PLEKHA1: variants seen among roughly 807,000 people sequenced by gnomAD.
PLEKHA1 encodes pleckstrin homology domain-containing family A member 1.
In PLEKHA1, 34 loss-of-function variants were observed where a neutral mutation model predicts 52.0. That is an observed-to-expected ratio of 0.65 (90% CI 0.50 to 0.87). The LOEUF (loss-of-function observed/expected upper bound fraction) is 0.87, where lower values mean the gene tolerates loss of function less well. PLEKHA1 is among the 40% of genes least tolerant of loss of function. The probability of loss-of-function intolerance (pLI) is 0.00; values close to 1 mark genes in which losing one functional copy is unlikely to be tolerated. For synonymous variants in PLEKHA1, 163 were observed against 170.7 expected (o/e 0.95, Z 0.35); for missense variants, 497 against 504.2 (o/e 0.99, Z 0.14).
chr10:122,435,552 AAACT>A (rs1442660087), downstream of PLEKHA1: 2 of 152,240 alleles, frequency 1.3e-5, no homozygotes, highest in African/African-American at 4.8e-5. Context: ...TATAAAATTC[AAACT>A]AACATTTACA....
chr10:122,422,800 A>G (rs2097278173), intron 8 of PLEKHA1: 1 of 152,194 alleles, frequency 6.6e-6, no homozygotes, highest in Non-Finnish European at 1.5e-5. Flanking sequence ...AGTTTTCATA[A>G]TTGCACTGTG....
chr10:122,396,822 A>G (rs1341662038), intron 2 of PLEKHA1, among the ~76,000 whole-genome samples: 1 of 152,054 alleles, frequency 6.6e-6, no homozygotes, highest in East Asian at 1.9e-4. Context: ...AATGAAATTT[A>G]TATTCTTGAT....
chr10:122,433,486 T>G (rs188249495), downstream of PLEKHA1: 1 of 152,200 alleles, frequency 6.6e-6, no homozygotes. Flanking sequence ...TAATAACCTA[T>G]GGCATTCCGC....
At chr10:122,435,404 A>G (rs893467111), downstream of PLEKHA1, 4 of 152,312 alleles carry the variant, frequency 2.6e-5, no homozygotes, top group African/African-American at 9.6e-5. Flanking sequence ...TTACTGTGGT[A>G]TATTCATGTG....
rs1414544386 is a variant in PLEKHA1 at position 122,412,959 on chromosome 10, C to G, written c.382C>G (p.Leu128Val). ...QSDSQPNSDN[L>V]SRHGECGKKQ... is the part of the protein sequence containing the mutation. ...AGACTCACAGCCTAATTCTGATAAC[C>G]TAAGTCGCCATGGTGAATGTGGGAA... Residue 128 changes from leucine (L) to valine (V), a missense_variant, in exon 6 of 12, where the codon CTA (leucine) becomes GTA (valine). Leu to Val is a conservative substitution (Grantham distance 32). Transcript: ENST00000368990. 1 of 1,613,534 alleles carries G rather than the reference C, an allele frequency of 6.2e-7. No homozygotes were observed. Among genetic ancestry groups the G allele is most frequent in the South Asian group, 1.1e-5 (1 of 91,052 alleles).
chr10:122,417,871 AGTCTTAT>A, intron 7 of PLEKHA1, 22 bp from the exon 8 acceptor site: 1 of 1,547,466 alleles, frequency 6.5e-7, no homozygotes, highest in Non-Finnish European at 8.9e-7. Flanking sequence ...TAGAAACACA[AGTCTTAT>A]GTCTGTGTTC....
chr10:122,378,078 C>T (rs916794334), intron 1 of PLEKHA1, among the ~76,000 whole-genome samples: 11 of 152,082 alleles, frequency 7.2e-5, no homozygotes, highest in African/African-American at 2.2e-4. Context: ...ATGGTTTAAC[C>T]ATTGAACTCT....
chr10:122,390,740 C>A (rs1437633223), intron 1 of PLEKHA1, among the ~76,000 whole-genome samples: 1 of 152,180 alleles, frequency 6.6e-6, no homozygotes, highest in Non-Finnish European at 1.5e-5. Context: ...CACAAACCTT[C>A]AATTTGTAAA....
chr10:122,406,436 G>A, intron 4 of PLEKHA1, 140 bp from the exon 5 acceptor site: 1 of 682,606 alleles, frequency 1.5e-6, no homozygotes, highest in South Asian at 1.7e-5. Context: ...GATAAAAGCT[G>A]TATTACATGT....
chr10:122,437,351 T>G (rs2097442251), downstream of PLEKHA1: 2 of 152,158 alleles, frequency 1.3e-5, no homozygotes, highest in African/African-American at 4.8e-5. Context: ...AGAGCAGGTT[T>G]GATGGAAAAG....
At chr10:122,437,881 T>C in the PLEKHA1 span, 1 of 152,462 alleles carries the variant, frequency 6.6e-6, no homozygotes, top group Non-Finnish European at 1.5e-5. Context: ...TGGGGACAAA[T>C]AGAACTCTTT....
At chr10:122,380,128 A>C (rs1371067150) in intron 1 of PLEKHA1, among the ~76,000 whole-genome samples, 1 of 152,206 alleles carries the variant, frequency 6.6e-6, no homozygotes, top group East Asian at 1.9e-4. Flanking sequence ...AAATCAGTTA[A>C]ATCTGGTAAA....
rs1554912534 is a variant in PLEKHA1 at position 122,394,092 on chromosome 10, T to TTG, written c.141+752_141+753insGT. The stretch of plus-strand genomic sequence containing the variant: ...TACTTTTTTTTTTTTTTTTTTTTTT[T>TTG]TTTGAGATGGAGTCTCTTATCACCC... On this transcript the variant is annotated intron_variant, in intron 2 of 11. Transcript: ENST00000368990. 4.3e-4 allele frequency among the ~76,000 whole-genome samples: 48 copies of TTG among 110,734 alleles called. 3 individuals are homozygous for TTG. The highest frequency in any genetic ancestry group is 2.1e-4 in the Non-Finnish European group (11 of 51,254). 72.6% of individuals were successfully genotyped at this position (110,734 alleles called of 152,430 possible).
At chr10:122,406,700 C>T (rs1304167318) in intron 5 of PLEKHA1, 27 bp downstream of exon 5, 20 of 1,463,082 alleles carry the variant, frequency 1.4e-5, no homozygotes, top group South Asian at 3.5e-5. Flanking sequence ...TTTTGAAAAA[C>T]GTTCGATGTC....
At chr10:122,399,820 C>T (rs1490753959) in intron 3 of PLEKHA1, among the ~76,000 whole-genome samples, 2 of 152,000 alleles carry the variant, frequency 1.3e-5, no homozygotes, top group Admixed American at 6.5e-5. Context: ...CTCCTGACCT[C>T]GTGATCCGCC....
Position 122,406,610 on chromosome 10 carries a change from A to G in PLEKHA1, c.279A>G (p.Gln93=). 1 of 1,613,412 alleles carries G rather than the reference A, an allele frequency of 6.2e-7. No individual in the cohort carries two copies. The highest frequency in any genetic ancestry group is 1.1e-5 in the South Asian group (1 of 91,068). Residue 93 remains glutamine, a synonymous_variant, in exon 5 of 12, where the codon CAA becomes CAG. Coordinates refer to ENST00000368990, the MANE Select transcript of PLEKHA1 (RefSeq NM_001001974.4). ...CAGGAATGAGGAAGTACTTCCTACA[A>G]GCCAATGATCAGCAGGACCTAGTGG... ...MNAGMRKYFL[Q]ANDQQDLVEW... is the part of the protein sequence containing the mutation.
At chr10:122,439,399 TTTTTA>T in the PLEKHA1 span, 1 of 151,780 alleles carries the variant, frequency 6.6e-6, no homozygotes, top group Admixed American at 6.6e-5. Flanking sequence ...TTTTTTTTTT[TTTTTA>T]AATTTTAAGC....
chr10:122,429,533 TTA>T, intron 11 of PLEKHA1, 89 bp from the exon 12 acceptor site: 1 of 1,072,472 alleles, frequency 9.3e-7, no homozygotes, highest in East Asian at 2.5e-5. Context: ...TGTGTGTGTT[TTA>T]TTTGTTTTTC....
chr10:122,381,320 G>T (rs1381973051), intron 1 of PLEKHA1, among the ~76,000 whole-genome samples: 1 of 152,112 alleles, frequency 6.6e-6, no homozygotes, highest in South Asian at 2.1e-4. Flanking sequence ...GATTGGACAT[G>T]GGGTAGGATA....
Sources: gnomAD v4.1 joint callset for allele counts (sites outside exome capture counted in the v4.1 genomes callset) on GRCh38, gnomAD v4.1.1 for gene constraint, MANE v1.5 for transcripts, NCBI Gene and HGNC (gene_info 2026-07-23, HGNC 2026-07-21) for gene names.